The following NLRP1 variants were observed in gnomAD, a reference collection of about 807,000 sequenced individuals.
NLRP1 encodes the protein NACHT, LRR and PYD domains-containing protein 1.
Under a neutral mutation model 136.7 loss-of-function variants are expected in NLRP1, and 94 were observed. The observed-to-expected ratio is 0.69, with a 90% confidence interval of 0.58 to 0.82. The LOEUF (loss-of-function observed/expected upper bound fraction) is 0.82, where lower values mean the gene tolerates loss of function less well. NLRP1 is among the 40% of genes least tolerant of loss of function. NLRP1 has a pLI of 0.00. For synonymous variants in NLRP1, 690 were observed against 725.1 expected (o/e 0.95, Z 0.78); for missense variants, 1,575 against 1,802.7 (o/e 0.87, Z 2.29).
intron 12 of NLRP1, among the ~76,000 whole-genome samples, chr17:5,527,892 T>C (rs960816022): frequency 2.0e-5 from 3 of 152,188 alleles, no homozygotes; most frequent in African/African-American, 4.8e-5. Flanking sequence ...GAGCAGGGCA[T>C]GGCCTGGGAG....
At chr17:5,543,602 G>C (rs553926621) in intron 5 of NLRP1, among the ~76,000 whole-genome samples, 1 of 151,976 alleles carries the variant, frequency 6.6e-6, no homozygotes, top group South Asian at 2.1e-4. Context: ...GTTGTAGTGA[G>C]CTGAGATCAT....
In NLRP1 at chr17:5,521,811, C is replaced by T. The variant is rs774813119; in HGVS notation, c.3521-25G>A. 11 of 1,552,878 alleles carry T rather than the reference C, an allele frequency of 7.1e-6. No individual in the cohort carries two copies. In the Admixed American group the frequency reaches 2.1e-4, roughly 29 times the overall value. On this transcript the variant is annotated intron_variant, in intron 12 of 16. Coordinates refer to ENST00000572272, the MANE Select transcript of NLRP1 (RefSeq NM_033004.4). ...CCTGTAAAAGAATGGATTGAAGAGG[C>T]ACAGGTTTATTTTTATTTATTTATT...
At chr17:5,506,436 A>T (rs1181733735) in intron 15 of NLRP1, among the ~76,000 whole-genome samples, 1 of 152,208 alleles carries the variant, frequency 6.6e-6, no homozygotes, top group African/African-American at 2.4e-5. Flanking sequence ...TACCCAAAAG[A>T]GTTGAAAACA....
intron 5 of NLRP1, among the ~76,000 whole-genome samples, chr17:5,545,477 G>GACACAC (rs147231814): frequency 1.5e-4 from 17 of 115,320 alleles, no homozygotes; most frequent in African/African-American, 6.0e-4. Context: ...CACACACACA[G>GACACAC]ACACACACAC....
Position 5,521,699 on chromosome 17 carries a change from T to G in NLRP1, c.3608A>C (p.His1203Pro). ...GCTGGGGTTTTCCAGAACTATGTGA[T>G]GCAGCTCCACCCTGGCTGGCTTCTC... The part of the protein sequence containing the change: ...LLEKPARVEL[H>P]HIVLENPSFS... The change falls in exon 13 of 17, where the codon CAT (histidine) becomes CCT (proline). Residue 1203 changes from histidine to proline, a missense_variant. His to Pro is a moderately conservative substitution (Grantham distance 77, BLOSUM62 -2). Coordinates refer to ENST00000572272, the MANE Select transcript of NLRP1 (RefSeq NM_033004.4). The G allele has an allele frequency of 6.2e-7, 1 of 1,613,658 alleles. No individual in the cohort carries two copies. Among genetic ancestry groups the G allele is most frequent in the Non-Finnish European group, 8.5e-7 (1 of 1,180,026 alleles).
downstream of NLRP1, chr17:5,512,433 C>A: frequency 1.2e-6 from 1 of 811,964 alleles, no homozygotes; most frequent in Non-Finnish European, 2.2e-6. Flanking sequence ...CAGGGCAATC[C>A]GCAATTCCAC....
At chr17:5,527,775 G>A (rs1416476016) in intron 12 of NLRP1, among the ~76,000 whole-genome samples, 1 of 152,214 alleles carries the variant, frequency 6.6e-6, no homozygotes. Context: ...ATTCTGATTT[G>A]GCTGTCAGCC....
chr17:5,562,625 A>G (rs952930428), intron 3 of NLRP1, among the ~76,000 whole-genome samples: 2 of 152,198 alleles, frequency 1.3e-5, no homozygotes, highest in African/African-American at 2.4e-5. Flanking sequence ...GCAGAGTAAG[A>G]GTGTATCTCC....
At chr17:5,550,526 G>A (rs1555546306) in intron 5 of NLRP1, among the ~76,000 whole-genome samples, 1 of 152,032 alleles carries the variant, frequency 6.6e-6, no homozygotes, top group Non-Finnish European at 1.5e-5. Context: ...ATTTCTGTAA[G>A]TTCAATTGTG....
chr17:5,520,873 C>A lies in NLRP1; in HGVS notation c.3915+8G>T. ...TCGCAGTGAAGAGGCAGACACTGGG[C>A]TGCTCACCTTGGGGAGTATTTCCAG... On this transcript the variant is annotated splice_region_variant and intron_variant, in intron 14 of 16. Coordinates refer to ENST00000572272, the MANE Select transcript of NLRP1 (RefSeq NM_033004.4). 4 of 1,584,076 alleles carry A rather than the reference C, an allele frequency of 2.5e-6. No individual in the cohort carries two copies. Among genetic ancestry groups the A allele is most frequent in the Non-Finnish European group, 3.4e-6 (4 of 1,162,158 alleles).
chr17:5,511,536 A>C (rs1425371159), downstream of NLRP1, among the ~76,000 whole-genome samples: 9 of 152,074 alleles, frequency 5.9e-5, no homozygotes, highest in Admixed American at 1.3e-4. Context: ...TCCTACTCCA[A>C]GACTGGCTCC....
In NLRP1 at chr17:5,514,355, T is replaced by C; in HGVS notation, c.*399A>G. Reference sequence around the variant, plus strand: ...TCCTGTACAAAGCCAAGAATCCACGTGGCCTCCCACGCTGAACCCCAATTT... The same window carrying C: ...TCCTGTACAAAGCCAAGAATCCACGCGGCCTCCCACGCTGAACCCCAATTT... On this transcript the variant is annotated 3_prime_UTR_variant, in exon 17 of 17. Transcript: ENST00000572272. 1 of 1,033,740 alleles carries C rather than the reference T, an allele frequency of 9.7e-7. No homozygotes were observed. The highest frequency in any genetic ancestry group is 1.2e-6 in the Non-Finnish European group (1 of 851,484). The allele number at this position is 1,033,740 out of a possible 1,614,324, so 64.0% of individuals were successfully genotyped here. A position where few individuals can be genotyped will look rare whatever the true frequency, so the allele number is the denominator to read the frequency against.
rs1402574998 is a variant in NLRP1, at chr17:5,583,504, C to T, written c.271+183G>A. 6.6e-6 allele frequency among the ~76,000 whole-genome samples: 1 copy of T among 152,128 alleles called. No homozygotes were observed. Among genetic ancestry groups the T allele is most frequent in the East Asian group, 1.9e-4 (1 of 5,184 alleles). ...GGCTCTGAGGTGCAGCAAGGGCCCC[C>T]CCAGCAAGCCTCCTGGCTCCAGCAT... On this transcript the variant is annotated intron_variant, in intron 1 of 16. Transcript: ENST00000572272. The surrounding 1 kb of genome is among the most constrained non-coding windows in gnomAD (Gnocchi z 4.5).
chr17:5,558,381 C>G lies in NLRP1; in HGVS notation c.2315G>C (p.Gly772Ala). 6.2e-7 allele frequency: 1 copy of G among 1,613,568 alleles called. No individual in the cohort carries two copies. The highest frequency in any genetic ancestry group is 2.2e-5 in the East Asian group (1 of 44,884). ...RHVKKLQLIE[G>A]RQHRSTWSPT... ...GCTCCATGTTGATCTGTGCTGCCTG[C>G]CCTCAATCAGCTGAAGCTTCTTCAC... The change falls in exon 4 of 17, where the codon GGC (glycine) becomes GCC (alanine). Residue 772 changes from glycine to alanine, a missense_variant. By Grantham distance (60) the Gly-to-Ala change is moderately conservative. Coordinates refer to ENST00000572272, the MANE Select transcript of NLRP1 (RefSeq NM_033004.4).
At chr17:5,513,490 C>A (rs568073098), downstream of NLRP1, among the ~76,000 whole-genome samples, 3 of 152,138 alleles carry the variant, frequency 2.0e-5, no homozygotes, top group African/African-American at 7.2e-5. Flanking sequence ...GGTGTTCGGA[C>A]GGTTCAAGTT....
downstream of NLRP1, chr17:5,512,361 G>GC (rs1907695136): frequency 2.4e-6 from 3 of 1,258,230 alleles, no homozygotes; most frequent in Non-Finnish European, 3.5e-6. Context: ...TGGTTATTTC[G>GC]TGATCTGTGG....
chr17:5,520,605 C>T (rs1908770111), intron 14 of NLRP1, among the ~76,000 whole-genome samples: 1 of 152,216 alleles, frequency 6.6e-6, no homozygotes, highest in African/African-American at 2.4e-5. Context: ...TCCTGGTGGT[C>T]TGGACTGAAG....
At chr17:5,512,476 G>C, downstream of NLRP1, 3 of 700,602 alleles carry the variant, frequency 4.3e-6, no homozygotes, top group South Asian at 1.6e-5. Context: ...ACACACCATT[G>C]CATTTTTCTT....
intron 3 of NLRP1, among the ~76,000 whole-genome samples, chr17:5,568,098 C>T (rs112160668): frequency 0.024 from 3,645 of 152,044 alleles, 156 homozygotes; most frequent in African/African-American, 0.084. Context: ...GATATCTTTC[C>T]CTAGGTTTGG....
Sources: gnomAD v4.1 joint callset for allele counts (sites outside exome capture counted in the v4.1 genomes callset) on GRCh38, gnomAD v4.1.1 for gene constraint, Gnocchi (gnomAD v3.1) non-coding constraint, MANE v1.5 for transcripts, NCBI Gene and HGNC (gene_info 2026-07-23, HGNC 2026-07-21) for gene names.